HIBCH: variants seen among roughly 807,000 people sequenced by gnomAD.
HIBCH encodes the protein 3-hydroxyisobutyryl-CoA hydrolase.
Under a neutral mutation model 58.2 loss-of-function variants are expected in HIBCH, and 50 were observed. The ratio of observed to expected loss-of-function variants is 0.86; its 90% CI spans 0.68 to 1.09. The LOEUF (loss-of-function observed/expected upper bound fraction) is 1.09, where lower values mean the gene tolerates loss of function less well. HIBCH is among the 50% of genes least tolerant of loss of function. The pLI, the probability that HIBCH is intolerant of heterozygous loss-of-function variation, is 0.00. For synonymous variants in HIBCH, 151 were observed against 146.9 expected, an observed-to-expected ratio of 1.03 and a Z score of -0.20; for missense variants, 450 against 449.7, an observed-to-expected ratio of 1.00 and a Z score of -0.01.
chr2:190,317,040 C>T (rs1313547476), intron 1 of HIBCH, among the ~76,000 whole-genome samples: 2 of 152,176 alleles, frequency 1.3e-5, no homozygotes, highest in Admixed American at 1.3e-4. Context: ...CCTCAGCCTC[C>T]CAAGCTGGAA....
At chr2:190,312,679 A>G (rs982805338) in intron 1 of HIBCH, among the ~76,000 whole-genome samples, 5 of 152,254 alleles carry the variant, frequency 3.3e-5, no homozygotes, top group Non-Finnish European at 7.3e-5. Context: ...ATACTATACA[A>G]AAGAGAGAAA....
rs191377663 is a variant in HIBCH at position 190,307,144 on chromosome 2, T to C, written c.78+3610A>G. Among the ~76,000 whole-genome samples the C allele has an allele frequency of 2.6e-3, 401 of 152,254 alleles. 1 individual carries two copies. Among genetic ancestry groups the C allele is most frequent in the South Asian group, 0.017 (82 of 4,830 alleles). On this transcript the variant is annotated intron_variant, in intron 2 of 13. Coordinates refer to ENST00000359678, the MANE Select transcript of HIBCH (RefSeq NM_014362.4). The stretch of plus-strand genomic sequence containing the variant: ...ATGTGGAGGAAAAGAGATTCAGATA[T>C]AGGATTAAAAGGACTATTAATAATT...
chr2:190,291,719 T>C (rs2105986550), intron 4 of HIBCH, among the ~76,000 whole-genome samples: 1 of 152,338 alleles, frequency 6.6e-6, no homozygotes, highest in East Asian at 1.9e-4. Flanking sequence ...CACTATCAAA[T>C]GGTTTCACTT....
intron 7 of HIBCH, among the ~76,000 whole-genome samples, chr2:190,259,075 C>T (rs1687011104): frequency 6.6e-6 from 1 of 152,030 alleles, no homozygotes; most frequent in Admixed American, 6.6e-5. Context: ...GTTCTTTTTG[C>T]TTAAGATTAT....
chr2:190,194,676 G>C (rs1386624283), intron 1 of HIBCH, among the ~76,000 whole-genome samples: 1 of 152,152 alleles, frequency 6.6e-6, no homozygotes, highest in Non-Finnish European at 1.5e-5. Context: ...AAAATTGTCT[G>C]TTCCACCTAT....
Position 190,293,835 on chromosome 2 carries a change from A to G in HIBCH, c.304+711T>C, listed in dbSNP as rs191490715. ...TATAATATGGACAATTATAGTGATT[A>G]TAATAAATACATGACACTGATGCTG... is the stretch of plus-strand genomic sequence containing the variant. On this transcript the variant is annotated intron_variant, in intron 4 of 13. Coordinates refer to ENST00000359678, the MANE Select transcript of HIBCH (RefSeq NM_014362.4). Among the ~76,000 whole-genome samples the G allele has an allele frequency of 6.2e-3, 947 of 151,632 alleles. 8 individuals carry two copies. Among genetic ancestry groups the G allele is most frequent in the African/African-American group, 0.022 (898 of 41,238 alleles).
rs1553506570 is a variant in HIBCH, at chr2:190,299,504, T to TATAC, written c.79-2552_79-2551insGTAT. Among the ~76,000 whole-genome samples, 964 of 151,432 alleles carry TATAC rather than the reference T, an allele frequency of 6.4e-3. 3 individuals are homozygous for TATAC. The highest frequency in any genetic ancestry group is 0.017 in the African/African-American group (706 of 41,262). On this transcript the variant is annotated intron_variant, in intron 2 of 13. Transcript: ENST00000359678. ...CACATTGACAATGATCAAAGTCTGA[T>TATAC]ACACACACACACACACATATCTGAT...
At chr2:190,289,967 T>C (rs1687920585) in intron 5 of HIBCH, among the ~76,000 whole-genome samples, 1 of 152,204 alleles carries the variant, frequency 6.6e-6, no homozygotes, top group East Asian at 1.9e-4. Context: ...AACCTCCACC[T>C]CCCAGGTTCA....
chr2:190,250,576 T>C (rs1284486514), intron 8 of HIBCH: 1 of 239,154 alleles, frequency 4.2e-6, no homozygotes, highest in African/African-American at 2.3e-5. Flanking sequence ...AATTCCACTG[T>C]AATCAAGGGT....
intron 11 of HIBCH, among the ~76,000 whole-genome samples, chr2:190,238,909 G>GT (rs1192799752): frequency 6.6e-6 from 1 of 152,092 alleles, no homozygotes; most frequent in African/African-American, 2.4e-5. Flanking sequence ...CTCCCATTCC[G>GT]TGAGTTGCCT....
At chr2:190,246,315 T>C (rs1171395164) in intron 9 of HIBCH, 103 bp from the exon 10 acceptor site, 1 of 711,410 alleles carries the variant, frequency 1.4e-6, no homozygotes, top group African/African-American at 1.8e-5. Flanking sequence ...CACTTGTCAC[T>C]TTCAGTCAAA....
chr2:190,240,793 G>C (rs1273311563), intron 11 of HIBCH, among the ~76,000 whole-genome samples: 4 of 152,188 alleles, frequency 2.6e-5, no homozygotes, highest in African/African-American at 9.7e-5. Flanking sequence ...GCGGTTTTGA[G>C]TGAGTTTCTT....
chr2:190,294,881 C>G (rs1442341042), intron 3 of HIBCH, among the ~76,000 whole-genome samples: 5 of 152,072 alleles, frequency 3.3e-5, no homozygotes, highest in African/African-American at 1.2e-4. Flanking sequence ...CTGTGTGATC[C>G]AAATTTCAAG....
chr2:190,315,381 A>C lies in HIBCH; in HGVS notation c.35+4335T>G, dbSNP rs1547460. Among the ~76,000 whole-genome samples, 23,456 of 152,164 alleles carry C rather than the reference A, an allele frequency of 0.15. 2,507 individuals carry two copies. Among genetic ancestry groups the C allele is most frequent in the Admixed American group, 0.33 (4,985 of 15,270 alleles). On this transcript the variant is annotated intron_variant, in intron 1 of 13. Coordinates refer to ENST00000359678, the MANE Select transcript of HIBCH (RefSeq NM_014362.4). The surrounding 1 kb of genome is among the most constrained non-coding windows in gnomAD (Gnocchi z 5.4). ...TACCATCAACATCCCCTGGAAACTG[A>C]CTAGAAACTGAAATTCTCTGCCCCA...
At chr2:190,194,965 T>C (rs10164908) in intron 1 of HIBCH, among the ~76,000 whole-genome samples, 144,722 of 152,194 alleles carry the variant, frequency 0.95, 69,240 homozygotes, top group East Asian at 1. Context: ...TGGGCCCAAG[T>C]GACCTCGGCT....
intron 6 of HIBCH, among the ~76,000 whole-genome samples, chr2:190,275,313 T>C (rs902709388): frequency 3.9e-5 from 6 of 152,212 alleles, no homozygotes; most frequent in African/African-American, 1.4e-4. Flanking sequence ...ATTTAAGGAT[T>C]GTCCTCTGTT....
chr2:190,310,859 T>C (rs1463293640), intron 1 of HIBCH, 63 bp from the exon 2 acceptor site: 34 of 1,132,570 alleles, frequency 3.0e-5, no homozygotes, highest in Non-Finnish European at 4.5e-5. Context: ...AGTTGACAAA[T>C]AGTATATCAC....
At chr2:190,286,142 T>G (rs1384877474) in intron 6 of HIBCH, among the ~76,000 whole-genome samples, 2 of 152,158 alleles carry the variant, frequency 1.3e-5, no homozygotes, top group African/African-American at 4.8e-5. Flanking sequence ...ACACCCGGAC[T>G]TGAAAGTCAT....
Position 190,279,321 on chromosome 2 carries a change from A to G in HIBCH, c.438+8265T>C, listed in dbSNP as rs1687642768. 6.6e-6 allele frequency among the ~76,000 whole-genome samples: 1 copy of G among 152,188 alleles called. No homozygotes were observed. The highest frequency in any genetic ancestry group is 6.5e-5 in the Admixed American group (1 of 15,276). ...TCAACATGAGTTTCGGTGGGGACAA[A>G]TATTCAAACCGTAGCATTCCATCCC... On this transcript the variant is annotated intron_variant, in intron 6 of 13. Coordinates refer to ENST00000359678, the MANE Select transcript of HIBCH (RefSeq NM_014362.4). The surrounding 1 kb of genome is among the most constrained non-coding windows in gnomAD (Gnocchi z 4.2).
Sources: allele counts gnomAD v4.1 joint callset (sites outside exome capture counted in the v4.1 genomes callset), GRCh38; gene constraint gnomAD v4.1.1; non-coding constraint Gnocchi (gnomAD v3.1); transcripts MANE v1.5; gene names NCBI Gene and HGNC (gene_info 2026-07-23, HGNC 2026-07-21).